Variants in STX12 observed in about 807,000 individuals in gnomAD.
STX12 encodes syntaxin 12.
A neutral mutation model predicts 42.2 loss-of-function variants in STX12; 17 were observed. That is an observed-to-expected ratio of 0.40 (90% CI 0.28 to 0.60). The LOEUF (loss-of-function observed/expected upper bound fraction) is 0.60, where lower values mean the gene tolerates loss of function less well. Among genes scored for constraint, STX12 ranks in the 20% least tolerant of loss-of-function variants. The pLI is 0.39. For synonymous variants in STX12, 108 were observed against 116.7 expected (o/e 0.93, Z 0.48); for missense variants, 297 against 330.9 (o/e 0.90, Z 0.79).
intron 3 of STX12, among the ~76,000 whole-genome samples, chr1:27,798,293 G>A (rs2088800369): frequency 6.6e-6 from 1 of 152,048 alleles, no homozygotes; most frequent in African/African-American, 2.4e-5. Context: ...AACTTTGGGA[G>A]GCTGAGGCGG....
chr1:27,808,780 G>A (rs2088882017), intron 4 of STX12, among the ~76,000 whole-genome samples: 1 of 152,154 alleles, frequency 6.6e-6, no homozygotes, highest in South Asian at 2.1e-4. Context: ...TCGATTGCTA[G>A]TCTTTCACCA....
intron 2 of STX12, among the ~76,000 whole-genome samples, chr1:27,791,729 C>T (rs543098162): frequency 6.6e-5 from 10 of 152,108 alleles, no homozygotes; most frequent in Admixed American, 3.9e-4. Context: ...GCAGGGGAAT[C>T]GCTTGAACCT....
intron 6 of STX12, among the ~76,000 whole-genome samples, chr1:27,817,403 T>A (rs2088951290): frequency 6.6e-6 from 1 of 152,206 alleles, no homozygotes; most frequent in African/African-American, 2.4e-5. Flanking sequence ...GAAAAGAGGC[T>A]CCTTACTTGT....
At chr1:27,816,215 G>A (rs1279497838) in intron 6 of STX12, among the ~76,000 whole-genome samples, 1 of 152,094 alleles carries the variant, frequency 6.6e-6, no homozygotes, top group Non-Finnish European at 1.5e-5. Context: ...CTGGGAGGCT[G>A]AGGCAGGAGA....
chr1:27,796,732 C>T (rs2148601873), intron 3 of STX12, among the ~76,000 whole-genome samples: 1 of 143,146 alleles, frequency 7.0e-6, no homozygotes, highest in Admixed American at 7.3e-5. Flanking sequence ...GACAGAGTTT[C>T]GCTCTTGTTG....
chr1:27,816,765 A>T (rs995696772), intron 6 of STX12, among the ~76,000 whole-genome samples: 1 of 151,728 alleles, frequency 6.6e-6, no homozygotes, highest in Non-Finnish European at 1.5e-5. Context: ...AAAAATAAAA[A>T]ATTATCCGGG....
At chr1:27,801,988 A>G (rs949057436) in intron 4 of STX12, 173 bp downstream of exon 4, 4 of 568,158 alleles carry the variant, frequency 7.0e-6, no homozygotes, top group Non-Finnish European at 1.1e-5. Context: ...AAGCCTAGAA[A>G]GGAATCTGAA....
intron 1 of STX12, among the ~76,000 whole-genome samples, chr1:27,775,076 G>A (rs901945625): frequency 6.6e-6 from 1 of 152,138 alleles, no homozygotes; most frequent in East Asian, 1.9e-4. Flanking sequence ...TTTTGTGAAG[G>A]AGCTGTAATA....
Position 27,792,158 on chromosome 1 carries a change from C to CATATATATG in STX12, c.189-1375_189-1374insATATATATG, listed in dbSNP as rs1314518891. 7.2e-3 allele frequency among the ~76,000 whole-genome samples: 723 copies of CATATATATG among 100,120 alleles called. 105 individuals carry two copies. Among genetic ancestry groups the CATATATATG allele is most frequent in the African/African-American group, 0.035 (512 of 14,490 alleles). The allele number at this position is 100,120 out of a possible 152,430, so 65.7% of individuals were successfully genotyped here. ...TATGTATATATCTATATATGTGTAT[C>CATATATATG]TATATATGTATATACATATATATGT... On this transcript the variant is annotated intron_variant, in intron 2 of 8. Coordinates refer to ENST00000373943, the MANE Select transcript of STX12 (RefSeq NM_177424.3).
intron 4 of STX12, among the ~76,000 whole-genome samples, chr1:27,806,259 T>C (rs2088862177): frequency 6.6e-6 from 1 of 152,222 alleles, no homozygotes; most frequent in Non-Finnish European, 1.5e-5. Context: ...GACAGGCTCA[T>C]ACTTCTTTTC....
intron 1 of STX12, among the ~76,000 whole-genome samples, chr1:27,778,732 C>T (rs1341242646): frequency 6.6e-6 from 1 of 151,368 alleles, no homozygotes; most frequent in Non-Finnish European, 1.5e-5. Flanking sequence ...CATTTCTGTT[C>T]TTTATGTTGC....
intron 3 of STX12, among the ~76,000 whole-genome samples, chr1:27,800,363 A>G (rs1288158608): frequency 1.3e-5 from 2 of 152,144 alleles, no homozygotes; most frequent in Non-Finnish European, 2.9e-5. Flanking sequence ...TGGATATAGC[A>G]GTTATTTATA....
intron 8 of STX12, 105 bp downstream of exon 8, chr1:27,819,837 C>T (rs917866730): frequency 1.1e-6 from 1 of 937,460 alleles, no homozygotes; most frequent in Non-Finnish European, 1.6e-6. Flanking sequence ...TAGGTTTAAG[C>T]TAAAGGAAAG....
At chr1:27,810,929 A>G (rs1222942340) in intron 5 of STX12, among the ~76,000 whole-genome samples, 1 of 152,110 alleles carries the variant, frequency 6.6e-6, no homozygotes, top group Non-Finnish European at 1.5e-5. Flanking sequence ...GTGAAGTATG[A>G]TTTATGATAC....
Position 27,822,641 on chromosome 1 carries a change from A to T in STX12, c.*312A>T, listed in dbSNP as rs954132353. 1 of 251,256 alleles carries T rather than the reference A, an allele frequency of 4.0e-6. No individual in the cohort carries two copies. The highest frequency in any genetic ancestry group is 7.8e-6 in the Non-Finnish European group (1 of 128,216). The allele number at this position is 251,256 out of a possible 1,614,324, so 15.6% of individuals were successfully genotyped here. ...CTAGATATTCTTGTTTTGACAAATG[A>T]CACTACAGTCTCGTAATATTGTCTT... On this transcript the variant is annotated 3_prime_UTR_variant, in exon 9 of 9. Transcript: ENST00000373943.
chr1:27,799,477 G>GTTTTGTTTTTTTTTTTTTT (rs2088811521), intron 3 of STX12, among the ~76,000 whole-genome samples: 2 of 130,714 alleles, frequency 1.5e-5, no homozygotes, highest in African/African-American at 6.4e-5. Flanking sequence ...TCATTAGCTT[G>GTTTTGTTTTTTTTTTTTTT]TTTTTTTTTT....
At chr1:27,779,126 A>G (rs1270271954) in intron 1 of STX12, among the ~76,000 whole-genome samples, 1 of 152,176 alleles carries the variant, frequency 6.6e-6, no homozygotes, top group Non-Finnish European at 1.5e-5. Flanking sequence ...TTTCTTTGCT[A>G]TCCTCTTAAG....
intron 7 of STX12, chr1:27,818,180 A>G: frequency 2.7e-6 from 1 of 366,730 alleles, no homozygotes; most frequent in Non-Finnish European, 5.0e-6. Flanking sequence ...CAGGAGATGG[A>G]GACCATCCTG....
intron 2 of STX12, among the ~76,000 whole-genome samples, chr1:27,789,959 G>T (rs780343149): frequency 6.6e-6 from 1 of 152,048 alleles, no homozygotes; most frequent in Non-Finnish European, 1.5e-5. Context: ...CCTTGTTGGC[G>T]TAGGACTCCT....
Sources: gnomAD v4.1 joint callset for allele counts (sites outside exome capture counted in the v4.1 genomes callset) on GRCh38, gnomAD v4.1.1 for gene constraint, MANE v1.5 for transcripts, NCBI Gene and HGNC (gene_info 2026-07-23, HGNC 2026-07-21) for gene names.